Variants in ROBO2 observed in about 807,000 individuals in gnomAD.
The protein encoded by ROBO2 is roundabout homolog 2.
In ROBO2, 53 loss-of-function variants were observed where a neutral mutation model predicts 160.8. That is an observed-to-expected ratio of 0.33 (90% confidence interval 0.26 to 0.41). The LOEUF (loss-of-function observed/expected upper bound fraction) is 0.41, where lower values mean the gene tolerates loss of function less well. Ranked by LOEUF, ROBO2 falls within the 10% of genes least tolerant of loss-of-function variation. The pLI is 1.00. For missense variants in ROBO2, 1,577 were observed against 1,722.4 expected (o/e 0.92, Z 1.49); for synonymous variants, 664 against 611.7 (o/e 1.09, Z -1.26).
intron 5 of ROBO2, among the ~76,000 whole-genome samples, chr3:77,502,385 T>G (rs2153608297): frequency 6.6e-6 from 1 of 152,348 alleles, no homozygotes; most frequent in East Asian, 1.9e-4. Flanking sequence ...ATGTTTATTA[T>G]GTCAAATAAA....
chr3:76,138,355 A>T (rs981443782), intron 2 of ROBO2, among the ~76,000 whole-genome samples: 1 of 152,082 alleles, frequency 6.6e-6, no homozygotes, highest in East Asian at 1.9e-4. Flanking sequence ...TAAAAATATT[A>T]AATGTAAATC....
intron 2 of ROBO2, among the ~76,000 whole-genome samples, chr3:76,600,424 A>G (rs375444649): frequency 6.6e-6 from 1 of 152,228 alleles, no homozygotes. Context: ...AAGGACATGC[A>G]GGAGACTGGG....
intron 3 of ROBO2, among the ~76,000 whole-genome samples, chr3:77,479,248 A>G (rs1225509482): frequency 1.3e-5 from 2 of 152,230 alleles, no homozygotes; most frequent in African/African-American, 4.8e-5. Flanking sequence ...CTCAGATAAC[A>G]ACCCCAAGAA....
intron 2 of ROBO2, among the ~76,000 whole-genome samples, chr3:76,989,224 A>C (rs2060538455): frequency 6.6e-6 from 1 of 152,142 alleles, no homozygotes; most frequent in African/African-American, 2.4e-5. Context: ...GGTGAATGTA[A>C]TATAAATTTG....
At chr3:77,046,347 G>A (rs2064668538) in intron 1 of ROBO2, among the ~76,000 whole-genome samples, 3 of 152,166 alleles carry the variant, frequency 2.0e-5, no homozygotes, top group Admixed American at 2.0e-4. Flanking sequence ...CAATAGTCCT[G>A]ATTTCTAATC....
intron 2 of ROBO2, among the ~76,000 whole-genome samples, chr3:76,744,526 A>G (rs2093853228): frequency 6.6e-6 from 1 of 151,868 alleles, no homozygotes; most frequent in Non-Finnish European, 1.5e-5. Context: ...TGACCGGCTA[A>G]TTTTTTTCAA....
chr3:76,709,712 G>T (rs1275938401), intron 2 of ROBO2, among the ~76,000 whole-genome samples: 1 of 152,176 alleles, frequency 6.6e-6, no homozygotes, highest in Non-Finnish European at 1.5e-5. Flanking sequence ...ACATCATCTG[G>T]ATTTTCCAGA....
At chr3:76,068,879 C>T (rs2068349602) in intron 2 of ROBO2, among the ~76,000 whole-genome samples, 1 of 152,248 alleles carries the variant, frequency 6.6e-6, no homozygotes, top group African/African-American at 2.4e-5. Context: ...TTGACTTCTC[C>T]TTAAAACATA....
intron 5 of ROBO2, among the ~76,000 whole-genome samples, chr3:77,497,541 A>G (rs2086961926): frequency 6.6e-6 from 1 of 152,082 alleles, no homozygotes; most frequent in Non-Finnish European, 1.5e-5. Context: ...TATATTAGTG[A>G]GATTGGGTGA....
At chr3:77,640,834 CT>C (rs752186342) in intron 24 of ROBO2, among the ~76,000 whole-genome samples, 94 of 152,136 alleles carry the variant, frequency 6.2e-4, no homozygotes, top group Non-Finnish European at 1.2e-3. Flanking sequence ...ATGTAATGTC[CT>C]TTCTTAAAAT....
At chr3:76,182,666 G>A (rs918004495) in intron 2 of ROBO2, among the ~76,000 whole-genome samples, 7 of 152,104 alleles carry the variant, frequency 4.6e-5, no homozygotes, top group East Asian at 1.9e-4. Context: ...ATCACTCCGC[G>A]ACCAACCAAT....
At chr3:76,573,127 C>T (rs2085055403) in intron 2 of ROBO2, among the ~76,000 whole-genome samples, 1 of 151,986 alleles carries the variant, frequency 6.6e-6, no homozygotes, top group South Asian at 2.1e-4. Context: ...ATCAACTCTC[C>T]CTTGCTTTTG....
chr3:76,232,624 G>A (rs746319422), intron 2 of ROBO2, among the ~76,000 whole-genome samples: 3 of 152,074 alleles, frequency 2.0e-5, no homozygotes, highest in Admixed American at 6.6e-5. Context: ...CTTATTTAAC[G>A]ATCACAAACA....
intron 2 of ROBO2, among the ~76,000 whole-genome samples, chr3:76,516,434 C>T (rs1185578030): frequency 3.9e-5 from 6 of 152,050 alleles, no homozygotes; most frequent in Non-Finnish European, 8.8e-5. Flanking sequence ...AATGTGACCC[C>T]GAACACATTG....
At chr3:76,817,113 C>G (rs2065737425) in intron 2 of ROBO2, among the ~76,000 whole-genome samples, 1 of 151,934 alleles carries the variant, frequency 6.6e-6, no homozygotes, top group Non-Finnish European at 1.5e-5. Flanking sequence ...GGAGAAATAC[C>G]TAATGTAGGG....
intron 2 of ROBO2, among the ~76,000 whole-genome samples, chr3:76,375,335 G>T (rs1338954931): frequency 6.6e-6 from 1 of 151,904 alleles, no homozygotes; most frequent in East Asian, 1.9e-4. Flanking sequence ...TTAAGCAAAG[G>T]CAAATAGATA....
intron 2 of ROBO2, among the ~76,000 whole-genome samples, chr3:77,270,311 C>G (rs1486510757): frequency 6.6e-6 from 1 of 152,166 alleles, no homozygotes; most frequent in Non-Finnish European, 1.5e-5. Flanking sequence ...TAAGACTCTG[C>G]CACATTCTGA....
chr3:76,526,445 T>C (rs1204015028), intron 2 of ROBO2, among the ~76,000 whole-genome samples: 2 of 152,074 alleles, frequency 1.3e-5, no homozygotes, highest in African/African-American at 4.8e-5. Context: ...AGACAGGGTT[T>C]GTTTTTACAT....
chr3:77,557,557 A>G (rs924454223), intron 8 of ROBO2, among the ~76,000 whole-genome samples: 3 of 152,120 alleles, frequency 2.0e-5, no homozygotes, highest in South Asian at 2.1e-4. Context: ...TTAAATATGC[A>G]TATGAGATAA....
Sources: gnomAD v4.1 joint callset for allele counts (sites outside exome capture counted in the v4.1 genomes callset) on GRCh38, gnomAD v4.1.1 for gene constraint, MANE v1.5 for transcripts, NCBI Gene and HGNC (gene_info 2026-07-23, HGNC 2026-07-21) for gene names.